The following NOL10 variants were observed in gnomAD, a reference collection of about 807,000 sequenced individuals.
The protein encoded by NOL10 is H_NH0074G24.1.
A neutral mutation model predicts 103.5 loss-of-function variants in NOL10; 58 were observed. The observed-to-expected ratio is 0.56, with a 90% CI of 0.45 to 0.70. The LOEUF (loss-of-function observed/expected upper bound fraction) is 0.70. Ranked by LOEUF, NOL10 falls within the 30% of genes least tolerant of loss-of-function variation. The pLI is 0.00. For missense variants in NOL10, 763 were observed against 807.3 expected (o/e 0.95, Z 0.67); for synonymous variants, 287 against 282.5 (o/e 1.02, Z -0.16).
At chr2:10,573,338 C>G (rs1674281244) in intron 20 of NOL10, among the ~76,000 whole-genome samples, 1 of 152,146 alleles carries the variant, frequency 6.6e-6, no homozygotes, top group Non-Finnish European at 1.5e-5. Flanking sequence ...GGACTACAGG[C>G]ACCCGCCACC....
intron 12 of NOL10, among the ~76,000 whole-genome samples, chr2:10,647,185 T>C (rs1436629474): frequency 1.5e-5 from 1 of 68,810 alleles, no homozygotes; most frequent in Non-Finnish European, 2.7e-5. Flanking sequence ...CACTATAGTG[T>C]ATAGTACGCT....
rs759402 is a variant in NOL10 at position 10,589,428 on chromosome 2, A to C, written c.1597-138T>G. On this transcript the variant is annotated intron_variant, in intron 18 of 20. Coordinates refer to ENST00000381685, the MANE Select transcript of NOL10 (RefSeq NM_024894.4). ...CATGCATCAGGAGAAATGCCTTTAA[A>C]TAAATAAGATAATACTCCTAAGCCC... 3 of 1,283,210 alleles carry C rather than the reference A, an allele frequency of 2.3e-6. No individual in the cohort carries two copies. In the African/African-American group the frequency reaches 4.5e-5, roughly 19 times the overall value. 79.5% of individuals were successfully genotyped at this position (1,283,210 alleles called of 1,614,324 possible).
chr2:10,595,144 CAGAGAGAGAGAGAGAGAGAGAG>C lies in NOL10; in HGVS notation c.1423-5415_1423-5394del, dbSNP rs77723934. ...GCAAGAGGGAGGGAGGGGGAGGGGG[CAGAGAGAGAGAGAGAGAGAGAG>C]AGAGAGAGAGAGATTTATACCAAAA... On this transcript the variant is annotated intron_variant, in intron 17 of 20. Transcript: ENST00000381685. Among the ~76,000 whole-genome samples, 6 of 124,238 alleles carry C rather than the reference CAGAGAGAGAGAGAGAGAGAGAG, an allele frequency of 4.8e-5. No homozygotes were observed. The East Asian group carries it at 1.1e-3, about 24-fold the overall frequency. The allele number at this position is 124,238 out of a possible 152,430, so 81.5% of individuals were successfully genotyped here. A position where few individuals can be genotyped will look rare whatever the true frequency, so the allele number is the denominator to read the frequency against.
chr2:10,671,676 A>G lies in NOL10; in HGVS notation c.342T>C (p.His114=). 3 of 1,566,318 alleles carry G rather than the reference A, an allele frequency of 1.9e-6. No homozygotes were observed. The highest frequency in any genetic ancestry group is 2.6e-6 in the Non-Finnish European group (3 of 1,153,266). ...SDDYSKIVFL[H]NDRYIEFHSQ... is the part of the protein sequence containing the mutation. ...AATGAAATTCAATGTATCTATCATT[A>G]TGTAAGAAGACAATCTGAAAATAAA... The change falls in exon 6 of 21, where the codon CAT becomes CAC. Residue 114 remains histidine (H), a synonymous_variant. Coordinates refer to ENST00000381685, the MANE Select transcript of NOL10 (RefSeq NM_024894.4).
chr2:10,577,824 C>T (rs891584061), intron 19 of NOL10, 86 bp from the exon 20 acceptor site: 133 of 861,546 alleles, frequency 1.5e-4, no homozygotes, highest in Admixed American at 8.1e-4. Flanking sequence ...GAATTGATAG[C>T]GAAGAAAAAT....
intron 13 of NOL10, among the ~76,000 whole-genome samples, chr2:10,614,828 T>C (rs140954052): frequency 6.6e-6 from 1 of 152,250 alleles, no homozygotes; most frequent in Admixed American, 6.5e-5. Flanking sequence ...ACCACTATTA[T>C]GATTAATGAT....
chr2:10,633,659 A>T (rs962736827), intron 13 of NOL10, among the ~76,000 whole-genome samples: 2 of 151,958 alleles, frequency 1.3e-5, no homozygotes. Context: ...AAGAAAACAG[A>T]ATCTGATTCT....
chr2:10,645,395 T>C (rs1404204358), intron 12 of NOL10, among the ~76,000 whole-genome samples: 2 of 152,208 alleles, frequency 1.3e-5, no homozygotes, highest in East Asian at 3.8e-4. Context: ...TTAGATTCTG[T>C]TTTTAAAAAT....
At chr2:10,633,449 A>G (rs1162837594) in intron 13 of NOL10, among the ~76,000 whole-genome samples, 1 of 151,244 alleles carries the variant, frequency 6.6e-6, no homozygotes, top group Non-Finnish European at 1.5e-5. Flanking sequence ...TATTAATTAT[A>G]TATTGATATA....
chr2:10,684,740 A>G, intron 1 of NOL10, 128 bp from the exon 2 acceptor site: 1 of 653,224 alleles, frequency 1.5e-6, no homozygotes. Flanking sequence ...AGGAAGCAAA[A>G]AATATTCTCT....
intron 13 of NOL10, among the ~76,000 whole-genome samples, chr2:10,627,497 A>C (rs1181215368): frequency 6.6e-6 from 1 of 152,048 alleles, no homozygotes; most frequent in Non-Finnish European, 1.5e-5. Context: ...AACACAGTGA[A>C]ACCCCGTCTC....
chr2:10,679,158 A>C lies in NOL10; in HGVS notation c.211+2813T>G, dbSNP rs1217022814. ...GCGGATCACCTGAGTTTGGGAGTTCAAGACCAGCCTGACCAACATGAAGAA... is the reference window on the plus strand; with the variant it reads ...GCGGATCACCTGAGTTTGGGAGTTCCAGACCAGCCTGACCAACATGAAGAA... On this transcript the variant is annotated intron_variant, in intron 3 of 20. Transcript: ENST00000381685. Among the ~76,000 whole-genome samples, 4 of 151,966 alleles carry C rather than the reference A, an allele frequency of 2.6e-5. No individual in the cohort carries two copies. In the East Asian group the frequency reaches 7.7e-4, roughly 29 times the overall value.
rs188005514 is a variant in NOL10 at position 10,670,204 on chromosome 2, A to G, written c.464+1350T>C. ...CAGAAGCCAAAGATATCACTCCTAA[A>G]TGAGTCACATGTAGGAATTATACCT... On this transcript the variant is annotated intron_variant, in intron 6 of 20. Transcript: ENST00000381685. Among the ~76,000 whole-genome samples, 97 of 152,300 alleles carry G rather than the reference A, an allele frequency of 6.4e-4. 1 individual carries two copies. Among genetic ancestry groups the G allele is most frequent in the Admixed American group, 5.4e-3 (83 of 15,292 alleles).
chr2:10,659,769 C>T (rs1680074609), intron 9 of NOL10, among the ~76,000 whole-genome samples: 1 of 152,090 alleles, frequency 6.6e-6, no homozygotes, highest in Admixed American at 6.6e-5. Flanking sequence ...ACGTAATCTA[C>T]TTTCTTCCAT....
At chr2:10,658,164 T>A (rs1679968638) in intron 10 of NOL10, among the ~76,000 whole-genome samples, 1 of 152,232 alleles carries the variant, frequency 6.6e-6, no homozygotes. Flanking sequence ...CATAAGAATT[T>A]AATTTGTTCA....
intron 19 of NOL10, among the ~76,000 whole-genome samples, chr2:10,587,337 C>T (rs1283729747): frequency 1.4e-5 from 2 of 139,580 alleles, no homozygotes; most frequent in Non-Finnish European, 3.0e-5. Context: ...GTGGCGTGAT[C>T]TCAGCTCACT....
intron 4 of NOL10, 94 bp from the exon 5 acceptor site, chr2:10,673,651 T>C: frequency 1.2e-6 from 1 of 822,732 alleles, no homozygotes; most frequent in Non-Finnish European, 1.9e-6. Context: ...AACACAGAAA[T>C]TATATACATA....
chr2:10,654,976 G>C (rs1166522636), intron 11 of NOL10, among the ~76,000 whole-genome samples: 2 of 152,110 alleles, frequency 1.3e-5, no homozygotes, highest in African/African-American at 2.4e-5. Flanking sequence ...TTGGGAGGCT[G>C]AGGCGTGGAG....
chr2:10,643,933 G>A (rs116373694), intron 13 of NOL10, among the ~76,000 whole-genome samples: 1 of 152,112 alleles, frequency 6.6e-6, no homozygotes, highest in Admixed American at 6.5e-5. Context: ...TGTAGACCCA[G>A]GTTCCTCAAT....
Sources: gnomAD v4.1 joint callset for allele counts (sites outside exome capture counted in the v4.1 genomes callset) on GRCh38, gnomAD v4.1.1 for gene constraint, MANE v1.5 for transcripts, NCBI Gene and HGNC (gene_info 2026-07-23, HGNC 2026-07-21) for gene names.